Variants in GKAP1 observed in about 807,000 individuals in gnomAD.
The protein encoded by GKAP1 is G kinase anchoring protein 1.
GKAP1 carries 31 observed loss-of-function variants against 56.7 expected under a neutral mutation model. That is an observed-to-expected ratio of 0.55 (90% CI 0.41 to 0.74). GKAP1 has a LOEUF of 0.74. Among genes scored for constraint, GKAP1 ranks in the 30% least tolerant of loss-of-function variants. The probability of loss-of-function intolerance (pLI) is 0.00; values close to 1 mark genes in which losing one functional copy is unlikely to be tolerated. For synonymous variants in GKAP1, 151 were observed against 138.6 expected (o/e 1.09, Z -0.63); for missense variants, 364 against 402.3 (o/e 0.90, Z 0.82).
intron 4 of GKAP1, among the ~76,000 whole-genome samples, chr9:83,794,948 G>C (rs763736964): frequency 6.6e-6 from 1 of 151,956 alleles, no homozygotes; most frequent in Non-Finnish European, 1.5e-5. Flanking sequence ...CTGAGGTCAG[G>C]AGTTCGAGAC....
At chr9:83,803,104 C>A (rs1453292251) in intron 3 of GKAP1, among the ~76,000 whole-genome samples, 1 of 151,910 alleles carries the variant, frequency 6.6e-6, no homozygotes, top group Non-Finnish European at 1.5e-5. Context: ...AGTGAGACCC[C>A]GTCTCAAAAA....
intron 8 of GKAP1, among the ~76,000 whole-genome samples, chr9:83,754,290 C>G (rs894725173): frequency 5.9e-5 from 9 of 152,022 alleles, no homozygotes; most frequent in African/African-American, 2.2e-4. Flanking sequence ...CACCATATAC[C>G]AAAATAAACA....
At chr9:83,749,510 G>GAGCC (rs1389133591) in intron 9 of GKAP1, among the ~76,000 whole-genome samples, 1 of 152,102 alleles carries the variant, frequency 6.6e-6, no homozygotes, top group African/African-American at 2.4e-5. Context: ...TTACAGGCGT[G>GAGCC]AGCCACTGCG....
intron 3 of GKAP1, among the ~76,000 whole-genome samples, chr9:83,804,397 G>A (rs1587739433): frequency 8.0e-6 from 1 of 125,108 alleles, no homozygotes; most frequent in Admixed American, 7.5e-5. Context: ...GAGGGAGGTG[G>A]GGGGGGTCAG....
chr9:83,800,897 G>C (rs148653046), intron 3 of GKAP1, among the ~76,000 whole-genome samples: 2 of 152,290 alleles, frequency 1.3e-5, no homozygotes, highest in African/African-American at 4.8e-5. Context: ...TTGTAGCTCT[G>C]AATCTATTCT....
At chr9:83,750,672 G>C (rs116744083) in intron 9 of GKAP1, among the ~76,000 whole-genome samples, 2,553 of 151,954 alleles carry the variant, frequency 0.017, 66 homozygotes, top group African/African-American at 0.059. Flanking sequence ...CCTCCCTTAG[G>C]CTTTTTAAAA....
intron 2 of GKAP1, among the ~76,000 whole-genome samples, chr9:83,808,485 T>C (rs1357605249): frequency 6.6e-6 from 1 of 152,092 alleles, no homozygotes; most frequent in Non-Finnish European, 1.5e-5. Context: ...TAATCCCAGC[T>C]ACTCCAGAGG....
chr9:83,782,897 G>C (rs144261828), intron 6 of GKAP1, among the ~76,000 whole-genome samples: 1 of 152,050 alleles, frequency 6.6e-6, no homozygotes, highest in African/African-American at 2.4e-5. Flanking sequence ...TCGAACTCCT[G>C]ACCTGAAATG....
At chr9:83,791,263 C>T (rs994124304) in intron 4 of GKAP1, among the ~76,000 whole-genome samples, 21 of 151,942 alleles carry the variant, frequency 1.4e-4, no homozygotes, top group African/African-American at 5.1e-4. Flanking sequence ...ATTAGCCGGA[C>T]GTGGTGGCGG....
At chr9:83,807,558 TAACAA>T (rs1944456346) in intron 2 of GKAP1, among the ~76,000 whole-genome samples, 1 of 152,198 alleles carries the variant, frequency 6.6e-6, no homozygotes, top group Admixed American at 6.5e-5. Flanking sequence ...GCACAAAGGT[TAACAA>T]AACGTTAACT....
intron 8 of GKAP1, among the ~76,000 whole-genome samples, chr9:83,755,799 C>CA (rs1943465176): frequency 1.4e-4 from 18 of 124,444 alleles, no homozygotes; most frequent in African/African-American, 5.5e-4. Context: ...CAAACTGGTA[C>CA]TTTTTTTTTT....
chr9:83,766,729 T>A (rs536927806), intron 8 of GKAP1, among the ~76,000 whole-genome samples: 9 of 152,350 alleles, frequency 5.9e-5, no homozygotes, highest in African/African-American at 2.2e-4. Context: ...TGTAGGAATC[T>A]GTCAAATTTA....
chr9:83,800,378 C>T (rs1944313159), intron 3 of GKAP1, among the ~76,000 whole-genome samples: 1 of 148,872 alleles, frequency 6.7e-6, no homozygotes, highest in Non-Finnish European at 1.5e-5. Flanking sequence ...GCTCTGTCGC[C>T]AGCTGGAATG....
intron 7 of GKAP1, among the ~76,000 whole-genome samples, chr9:83,777,884 CT>C (rs1943889870): frequency 6.6e-6 from 1 of 151,958 alleles, no homozygotes; most frequent in African/African-American, 2.4e-5. Flanking sequence ...AAAAAAAGAT[CT>C]TCTAAATTTC....
intron 4 of GKAP1, among the ~76,000 whole-genome samples, chr9:83,795,134 C>T (rs150977751): frequency 0.011 from 1,391 of 123,194 alleles, 25 homozygotes; most frequent in African/African-American, 0.041. Context: ...CCAGTCTGGG[C>T]GACAAGAGCG....
intron 4 of GKAP1, among the ~76,000 whole-genome samples, chr9:83,795,588 C>T (rs201143027): frequency 5.1e-4 from 56 of 109,018 alleles, no homozygotes; most frequent in Admixed American, 6.0e-4. Flanking sequence ...CTGAGAGTGT[C>T]TTTTTTTTTT....
At chr9:83,792,149 T>C (rs944880857) in intron 4 of GKAP1, among the ~76,000 whole-genome samples, 1 of 152,192 alleles carries the variant, frequency 6.6e-6, no homozygotes, top group Non-Finnish European at 1.5e-5. Context: ...AAAAAGGACA[T>C]TGGAATATCA....
chr9:83,798,418 G>C (rs566974994), intron 4 of GKAP1, among the ~76,000 whole-genome samples: 2 of 152,172 alleles, frequency 1.3e-5, no homozygotes, highest in African/African-American at 4.8e-5. Context: ...ATTTAATAGA[G>C]ACATAGAAGA....
chr9:83,782,248 A>C (rs1015272640), intron 6 of GKAP1, among the ~76,000 whole-genome samples: 8 of 151,870 alleles, frequency 5.3e-5, no homozygotes, highest in African/African-American at 1.9e-4. Flanking sequence ...TCCTAGCCTC[A>C]AGTGATCTCC....
Sources: allele counts gnomAD v4.1 joint callset (sites outside exome capture counted in the v4.1 genomes callset), GRCh38; gene constraint gnomAD v4.1.1; transcripts MANE v1.5; gene names NCBI Gene and HGNC (gene_info 2026-07-23, HGNC 2026-07-21).